CHST9: variants seen among roughly 807,000 people sequenced by gnomAD.
CHST9 encodes the protein GalNAc-4-sulfotransferase 2.
Under a neutral mutation model 44.4 loss-of-function variants are expected in CHST9, and 41 were observed. The observed-to-expected ratio is 0.92, with a 90% confidence interval of 0.72 to 1.20. CHST9 has a LOEUF of 1.20. Ranked by LOEUF, CHST9 falls within the 50% of genes most tolerant of loss-of-function variation. CHST9 has a pLI of 0.00. For missense variants in CHST9, 504 were observed against 516.5 expected (o/e 0.98, Z 0.23); for synonymous variants, 171 against 178.4 (o/e 0.96, Z 0.33).
intron 4 of CHST9, among the ~76,000 whole-genome samples, chr18:26,949,337 A>G (rs1387167143): frequency 6.6e-6 from 1 of 152,128 alleles, no homozygotes; most frequent in East Asian, 1.9e-4. Flanking sequence ...GGCAGATGAT[A>G]GCATTATTAA....
At chr18:27,036,167 T>C (rs2057388731) in intron 3 of CHST9, among the ~76,000 whole-genome samples, 1 of 152,108 alleles carries the variant, frequency 6.6e-6, no homozygotes, top group South Asian at 2.1e-4. Flanking sequence ...CACTGGATGA[T>C]TCAGGTTGGT....
At chr18:26,927,669 G>T (rs979393668) in intron 5 of CHST9, among the ~76,000 whole-genome samples, 8 of 152,142 alleles carry the variant, frequency 5.3e-5, no homozygotes, top group African/African-American at 1.7e-4. Flanking sequence ...GTTTTCTCCT[G>T]TCTCAGTAGA....
At chr18:27,126,403 T>G (rs2058424375) in intron 2 of CHST9, among the ~76,000 whole-genome samples, 1 of 152,138 alleles carries the variant, frequency 6.6e-6, no homozygotes, top group African/African-American at 2.4e-5. Flanking sequence ...TTGAGTGTGA[T>G]AAGGATGATA....
chr18:27,053,518 T>A (rs556802281), intron 2 of CHST9, among the ~76,000 whole-genome samples: 3 of 152,148 alleles, frequency 2.0e-5, no homozygotes, highest in Non-Finnish European at 4.4e-5. Flanking sequence ...ATCTTCTCCT[T>A]TCTCACTGCC....
At chr18:27,155,086 T>TAAAA (rs145704285) in intron 1 of CHST9, among the ~76,000 whole-genome samples, 3 of 108,750 alleles carry the variant, frequency 2.8e-5, no homozygotes, top group African/African-American at 3.2e-5. Flanking sequence ...TTTCAAAAGT[T>TAAAA]AAAAAAAAAA....
intron 2 of CHST9, among the ~76,000 whole-genome samples, chr18:27,095,584 G>T (rs2058108884): frequency 6.6e-6 from 1 of 152,098 alleles, no homozygotes; most frequent in Non-Finnish European, 1.5e-5. Context: ...CAAAGCAAAG[G>T]GTTGTAGAAA....
chr18:27,168,029 A>G (rs572683011), intron 1 of CHST9, among the ~76,000 whole-genome samples: 48 of 152,308 alleles, frequency 3.2e-4, no homozygotes, highest in African/African-American at 1.0e-3. Context: ...AAAGGGAAAC[A>G]GATAGGCATT....
intron 4 of CHST9, among the ~76,000 whole-genome samples, chr18:26,975,668 T>TATAA (rs1238904313): frequency 1.4e-5 from 2 of 142,994 alleles, no homozygotes; most frequent in African/African-American, 5.1e-5. Flanking sequence ...TATATATATA[T>TATAA]AAATATATGT....
At chr18:27,006,076 T>C (rs1170414198) in intron 4 of CHST9, among the ~76,000 whole-genome samples, 2 of 152,206 alleles carry the variant, frequency 1.3e-5, no homozygotes, top group Admixed American at 6.5e-5. Context: ...CACCATAGTC[T>C]TACTTCCATC....
At chr18:27,077,571 C>G (rs73404839) in intron 2 of CHST9, among the ~76,000 whole-genome samples, 6,791 of 152,016 alleles carry the variant, frequency 0.045, 465 homozygotes, top group African/African-American at 0.15. Flanking sequence ...GGGAGGGAGC[C>G]TCTTTCTGGA....
At position 26,964,625 on chromosome 18, in the gene CHST9, G is replaced by C. The variant is rs2056442060; in HGVS notation, c.203-20259C>G. On this transcript the variant is annotated intron_variant, in intron 4 of 5. Transcript: ENST00000618847. ...TTCTGGGTCTACCAGTCAGGGCCTG[G>C]GCCAGCCCAAATCTCTAAGCTCATT... Among the ~76,000 whole-genome samples, 4 of 152,302 alleles carry C rather than the reference G, an allele frequency of 2.6e-5. No homozygotes were observed. The South Asian group carries it at 6.2e-4, about 24-fold the overall frequency.
At chr18:26,959,800 T>TC (rs1240889115) in intron 4 of CHST9, among the ~76,000 whole-genome samples, 3 of 152,008 alleles carry the variant, frequency 2.0e-5, no homozygotes, top group Non-Finnish European at 4.4e-5. Flanking sequence ...GTTGAGGGAG[T>TC]CCTTGAATAA....
At chr18:26,931,922 C>T (rs951885754) in intron 5 of CHST9, among the ~76,000 whole-genome samples, 5 of 151,722 alleles carry the variant, frequency 3.3e-5, no homozygotes, top group Non-Finnish European at 7.4e-5. Flanking sequence ...TTGTCCAGCT[C>T]CAAAATGGTA....
chr18:27,181,626 G>A (rs2058913086), intron 1 of CHST9, among the ~76,000 whole-genome samples: 2 of 152,154 alleles, frequency 1.3e-5, no homozygotes, highest in South Asian at 4.1e-4. Context: ...TTAATAGTAA[G>A]ATGCATACAT....
chr18:27,063,303 T>C (rs1568156956), intron 2 of CHST9, among the ~76,000 whole-genome samples: 2 of 152,210 alleles, frequency 1.3e-5, no homozygotes, highest in Admixed American at 6.5e-5. Context: ...GTCTAATTTA[T>C]GTACAAAACT....
chr18:27,131,546 C>T (rs112464357), intron 2 of CHST9, among the ~76,000 whole-genome samples: 4,683 of 152,118 alleles, frequency 0.031, 232 homozygotes, highest in African/African-American at 0.1. Flanking sequence ...AGCAAAACTC[C>T]GTATCAAAAA....
intron 2 of CHST9, among the ~76,000 whole-genome samples, chr18:27,076,657 C>G (rs968530293): frequency 2.6e-5 from 4 of 152,160 alleles, no homozygotes; most frequent in African/African-American, 9.7e-5. Context: ...ACAGCTTACA[C>G]GAGGGACTCC....
chr18:26,960,032 G>A (rs1179283555), intron 4 of CHST9, among the ~76,000 whole-genome samples: 3 of 152,146 alleles, frequency 2.0e-5, no homozygotes, highest in African/African-American at 7.2e-5. Context: ...TTAATGCAAA[G>A]GTAAAAATAA....
chr18:27,018,159 C>A (rs964362732), intron 4 of CHST9, among the ~76,000 whole-genome samples: 1 of 152,146 alleles, frequency 6.6e-6, no homozygotes, highest in Non-Finnish European at 1.5e-5. Flanking sequence ...TTCTATGGGG[C>A]ACTTTAACAA....
Sources: allele counts gnomAD v4.1 joint callset (sites outside exome capture counted in the v4.1 genomes callset), GRCh38; gene constraint gnomAD v4.1.1; transcripts MANE v1.5; gene names NCBI Gene and HGNC (gene_info 2026-07-23, HGNC 2026-07-21).